The following SRGAP3 variants were observed in gnomAD, a reference collection of about 807,000 sequenced individuals.
SRGAP3 encodes SLIT-ROBO Rho GTPase-activating protein 3.
A neutral mutation model predicts 121.1 loss-of-function variants in SRGAP3; 39 were observed. That is an observed-to-expected ratio of 0.32 (90% CI 0.25 to 0.42). The LOEUF (loss-of-function observed/expected upper bound fraction) is 0.42, where lower values mean the gene tolerates loss of function less well. SRGAP3 is among the 10% of genes least tolerant of loss of function. SRGAP3 has a pLI of 1.00. For synonymous variants in SRGAP3, 601 were observed against 570.0 expected, an observed-to-expected ratio of 1.05 and a Z score of -0.77; for missense variants, 1,213 against 1,470.6, an observed-to-expected ratio of 0.82 and a Z score of 2.86.
At chr3:9,138,350 A>C (rs1185690385) in intron 1 of SRGAP3, among the ~76,000 whole-genome samples, 1 of 152,226 alleles carries the variant, frequency 6.6e-6, no homozygotes, top group Non-Finnish European at 1.5e-5. Flanking sequence ...AACACAAAAT[A>C]ATGTTATTAA....
At chr3:9,051,919 C>T (rs1338685358) in intron 9 of SRGAP3, among the ~76,000 whole-genome samples, 2 of 152,036 alleles carry the variant, frequency 1.3e-5, no homozygotes, top group Admixed American at 1.3e-4. Flanking sequence ...CACCGTGTTG[C>T]CCAGGCTGGT....
At chr3:9,341,180 A>G (rs750503407) in intron 1 of SRGAP3, among the ~76,000 whole-genome samples, 2 of 152,208 alleles carry the variant, frequency 1.3e-5, no homozygotes, top group Non-Finnish European at 1.5e-5. Flanking sequence ...AGATAGAGTC[A>G]CATAGCAGGT....
At chr3:9,012,524 A>C (rs1017290568) in intron 17 of SRGAP3, among the ~76,000 whole-genome samples, 7 of 152,230 alleles carry the variant, frequency 4.6e-5, no homozygotes, top group Non-Finnish European at 1.0e-4. Context: ...CCTAAGACCT[A>C]GTGTAGTACC....
chr3:9,120,590 T>C (rs920249151), intron 2 of SRGAP3, among the ~76,000 whole-genome samples: 1 of 152,246 alleles, frequency 6.6e-6, no homozygotes, highest in African/African-American at 2.4e-5. Flanking sequence ...TGGGTTTTCA[T>C]GCTCGACAGC....
intron 1 of SRGAP3, among the ~76,000 whole-genome samples, chr3:9,352,337 G>A (rs777484440): frequency 1.4e-5 from 2 of 145,640 alleles, no homozygotes; most frequent in Non-Finnish European, 3.0e-5. Context: ...ACAGTGGCAC[G>A]ATCTCAGCTC....
intron 1 of SRGAP3, among the ~76,000 whole-genome samples, chr3:9,152,150 C>T (rs947695391): frequency 6.6e-6 from 1 of 152,236 alleles, no homozygotes; most frequent in African/African-American, 2.4e-5. Flanking sequence ...CATTGCCTGG[C>T]TCATCATAGG....
At chr3:9,240,921 A>G (rs892120431) in intron 1 of SRGAP3, among the ~76,000 whole-genome samples, 2 of 152,178 alleles carry the variant, frequency 1.3e-5, no homozygotes, top group Non-Finnish European at 2.9e-5. Flanking sequence ...AGTGCAAACT[A>G]GGAGAGGCTG....
At chr3:9,090,406 C>CA (rs397972482) in intron 3 of SRGAP3, among the ~76,000 whole-genome samples, 53,029 of 143,892 alleles carry the variant, frequency 0.37, 10,107 homozygotes, top group Non-Finnish European at 0.46. Context: ...TTTCTTTGCA[C>CA]AAAAAAAAAA....
At chr3:9,309,761 T>C (rs1197533277) in intron 3 of SRGAP3, among the ~76,000 whole-genome samples, 2 of 152,030 alleles carry the variant, frequency 1.3e-5, no homozygotes, top group African/African-American at 4.8e-5. Context: ...CAGAAGGCTG[T>C]GGTGGGAGGA....
chr3:9,013,591 G>GT (rs906406828), intron 16 of SRGAP3, 56 bp from the exon 17 acceptor site: 70 of 1,591,112 alleles, frequency 4.4e-5, no homozygotes, highest in East Asian at 3.4e-4. Context: ...CTCCCCCTGT[G>GT]TTTTTTTTCT....
chr3:9,204,916 A>C (rs1251645030), intron 1 of SRGAP3, among the ~76,000 whole-genome samples: 1 of 152,258 alleles, frequency 6.6e-6, no homozygotes, highest in East Asian at 1.9e-4. Context: ...TAAAGGCTGG[A>C]CGTTACTGGC....
At chr3:9,228,647 G>C (rs983771218) in intron 1 of SRGAP3, among the ~76,000 whole-genome samples, 1 of 152,156 alleles carries the variant, frequency 6.6e-6, no homozygotes, top group Non-Finnish European at 1.5e-5. Flanking sequence ...TCTGCAGTAG[G>C]AGACAGCTAA....
At chr3:9,051,339 T>C (rs190898167) in intron 9 of SRGAP3, among the ~76,000 whole-genome samples, 1 of 152,320 alleles carries the variant, frequency 6.6e-6, no homozygotes, top group African/African-American at 2.4e-5. Flanking sequence ...AACTCTGTCT[T>C]TGGCCTTGGC....
chr3:9,117,532 A>G (rs1218621166), intron 2 of SRGAP3, among the ~76,000 whole-genome samples: 2 of 152,164 alleles, frequency 1.3e-5, no homozygotes, highest in Admixed American at 1.3e-4. Context: ...GCTTTTCCCA[A>G]ATGTTTAAAT....
Position 8,983,931 on chromosome 3 carries a change from A to T in SRGAP3, c.*1588T>A. 1 of 229,550 alleles carries T rather than the reference A, an allele frequency of 4.4e-6. No individual in the cohort carries two copies. The highest frequency in any genetic ancestry group is 8.6e-6 in the Non-Finnish European group (1 of 115,704). The allele number at this position is 229,550 out of a possible 1,614,324, so 14.2% of individuals were successfully genotyped here. On this transcript the variant is annotated 3_prime_UTR_variant, in exon 22 of 22. Transcript: ENST00000383836. ...AGAGGAAGCGTGGGAACAGTAGGGAAAAGCCCCTGGGTCTCGCAGGAGAGG... is the reference window on the plus strand; with the variant it reads ...AGAGGAAGCGTGGGAACAGTAGGGATAAGCCCCTGGGTCTCGCAGGAGAGG...
chr3:9,173,904 C>A (rs762401824), intron 1 of SRGAP3, among the ~76,000 whole-genome samples: 2 of 152,166 alleles, frequency 1.3e-5, no homozygotes, highest in African/African-American at 4.8e-5. Flanking sequence ...CACTGCAGCC[C>A]AGCACAATGC....
intron 18 of SRGAP3, among the ~76,000 whole-genome samples, chr3:8,996,078 T>C (rs185331548): frequency 3.1e-4 from 47 of 152,346 alleles, no homozygotes; most frequent in African/African-American, 1.1e-3. Flanking sequence ...CTTGGGATAC[T>C]TAGTTTTTCT....
chr3:9,163,828 A>G (rs1277764488), intron 1 of SRGAP3, among the ~76,000 whole-genome samples: 1 of 152,004 alleles, frequency 6.6e-6, no homozygotes, highest in African/African-American at 2.4e-5. Context: ...AACCCTTGTC[A>G]TTGTCACCAC....
At chr3:9,024,968 T>C (rs1363328695) in intron 14 of SRGAP3, among the ~76,000 whole-genome samples, 1 of 152,058 alleles carries the variant, frequency 6.6e-6, no homozygotes, top group Non-Finnish European at 1.5e-5. Flanking sequence ...GTGGTGGTGG[T>C]GCTGGTGCTG....
Sources: allele counts gnomAD v4.1 joint callset (sites outside exome capture counted in the v4.1 genomes callset), GRCh38; gene constraint gnomAD v4.1.1; transcripts MANE v1.5; gene names NCBI Gene and HGNC (gene_info 2026-07-23, HGNC 2026-07-21).